CRIM1: variants seen among roughly 807,000 people sequenced by gnomAD.
CRIM1 encodes cysteine rich transmembrane BMP regulator 1, also known as cysteine-rich motor neuron 1 protein.
Under a neutral mutation model 116.4 loss-of-function variants are expected in CRIM1, and 32 were observed. That is an observed-to-expected ratio of 0.27 (90% CI 0.21 to 0.37). The LOEUF (loss-of-function observed/expected upper bound fraction) is 0.37. CRIM1 is among the 10% of genes least tolerant of loss of function. The pLI is 1.00. For synonymous variants in CRIM1, 590 were observed against 509.2 expected, an observed-to-expected ratio of 1.16 and a Z score of -2.13; for missense variants, 1,331 against 1,354.8, an observed-to-expected ratio of 0.98 and a Z score of 0.28.
intron 2 of CRIM1, among the ~76,000 whole-genome samples, chr2:36,401,629 T>C (rs1026790573): frequency 6.6e-6 from 1 of 152,188 alleles, no homozygotes; most frequent in Non-Finnish European, 1.5e-5. Context: ...ATAAGTAATG[T>C]CAATACCAAA....
At chr2:36,422,240 A>G (rs1293846506) in intron 2 of CRIM1, among the ~76,000 whole-genome samples, 2 of 151,984 alleles carry the variant, frequency 1.3e-5, no homozygotes, top group Non-Finnish European at 2.9e-5. Flanking sequence ...TATATTCAAT[A>G]TAGTTAATGT....
intron 8 of CRIM1, among the ~76,000 whole-genome samples, chr2:36,509,105 G>A (rs1171026682): frequency 6.6e-6 from 1 of 152,110 alleles, no homozygotes; most frequent in Non-Finnish European, 1.5e-5. Flanking sequence ...CTATCATTTT[G>A]TAAAAGATGT....
At position 36,460,217 on chromosome 2, in the gene CRIM1, A is replaced by G. The variant is rs115982855; in HGVS notation, c.870-4317A>G. ...TCATTATATTAACTCTAAGGATTAC[A>G]TTAGAGGCTTTATTTTTCTGGTTAC... is the stretch of plus-strand genomic sequence containing the variant. On this transcript the variant is annotated intron_variant, in intron 4 of 16. Coordinates refer to ENST00000280527, the MANE Select transcript of CRIM1 (RefSeq NM_016441.3). 3.9e-3 allele frequency among the ~76,000 whole-genome samples: 589 copies of G among 152,322 alleles called. 4 individuals are homozygous for G. Among genetic ancestry groups the G allele is most frequent in the Non-Finnish European group, 6.0e-3 (409 of 68,028 alleles).
intron 2 of CRIM1, among the ~76,000 whole-genome samples, chr2:36,397,957 T>G (rs1264012880): frequency 3.6e-4 from 55 of 152,188 alleles, no homozygotes; most frequent in Non-Finnish European, 6.5e-4. Flanking sequence ...TCACACCAAG[T>G]ATTCTTCCTG....
intron 1 of CRIM1, chr2:36,378,442 A>G (rs4670548): frequency 0.75 from 351,300 of 470,282 alleles, 133,609 homozygotes; most frequent in East Asian, 0.99. Flanking sequence ...GTCCAGATGC[A>G]ACAGTAGGGA....
chr2:36,392,887 C>G (rs1400091756), intron 1 of CRIM1, among the ~76,000 whole-genome samples: 1 of 152,228 alleles, frequency 6.6e-6, no homozygotes, highest in African/African-American at 2.4e-5. Context: ...GTCAGTGATG[C>G]TTCCTGGCTG....
intron 7 of CRIM1, among the ~76,000 whole-genome samples, chr2:36,487,331 A>C (rs892278693): frequency 2.6e-5 from 4 of 152,202 alleles, no homozygotes; most frequent in Non-Finnish European, 5.9e-5. Context: ...ACATACTAAA[A>C]TGTACATATT....
chr2:36,478,693 C>T (rs1014970906), intron 6 of CRIM1, among the ~76,000 whole-genome samples: 1 of 152,186 alleles, frequency 6.6e-6, no homozygotes, highest in Non-Finnish European at 1.5e-5. Flanking sequence ...ATTCCTCTCT[C>T]AGCACAGCAG....
In CRIM1 at chr2:36,476,983, C is replaced by T. The variant is rs904987059; in HGVS notation, c.1086C>T (p.Gly362=). The change falls in exon 6 of 17, where the codon GGC becomes GGT. Residue 362 remains glycine (G), a synonymous_variant. Transcript: ENST00000280527. The part of the protein sequence containing the change: ...DNCRFCRCQG[G]VAICFTAQCG... ...GTCGGTTCTGTCGATGCCAAGGGGG[C>T]GTTGCCATCTGCTTCACCGCCCAGT... 1.6e-5 allele frequency: 26 copies of T among 1,613,824 alleles called. No individual in the cohort carries two copies. The East Asian group carries it at 2.2e-4, about 14-fold the overall frequency.
At chr2:36,396,554 C>T (rs998853742) in intron 1 of CRIM1, 60 bp from the exon 2 acceptor site, 53 of 1,219,004 alleles carry the variant, frequency 4.3e-5, no homozygotes, top group South Asian at 8.7e-5. Context: ...TTTTTGCCCG[C>T]GAACAGGCCT....
chr2:36,435,606 G>T (rs1253447129), intron 2 of CRIM1, among the ~76,000 whole-genome samples: 1 of 150,960 alleles, frequency 6.6e-6, no homozygotes, highest in Admixed American at 6.6e-5. Context: ...TATTAGGTTG[G>T]TGCAAAAGTA....
chr2:36,375,024 A>T (rs1298585660), intron 1 of CRIM1, among the ~76,000 whole-genome samples: 1 of 151,508 alleles, frequency 6.6e-6, no homozygotes, highest in Non-Finnish European at 1.5e-5. Context: ...GCATATTATT[A>T]TATTGCAGAT....
chr2:36,520,005 T>TA (rs1665276414), intron 12 of CRIM1, among the ~76,000 whole-genome samples: 1 of 151,938 alleles, frequency 6.6e-6, no homozygotes, highest in African/African-American at 2.4e-5. Flanking sequence ...AACAGAAGTG[T>TA]AAAGAAAAGG....
intron 1 of CRIM1, among the ~76,000 whole-genome samples, chr2:36,367,512 TTAAA>T: frequency 6.6e-6 from 1 of 152,184 alleles, no homozygotes; most frequent in Admixed American, 6.5e-5. Context: ...CAAAAGGGAA[TTAAA>T]TAGTTACCTA....
rs1429529375 is a variant in CRIM1, at chr2:36,479,641, A to G, written c.1319A>G (p.Gln440Arg). The G allele has an allele frequency of 1.2e-6, 2 of 1,614,238 alleles. No individual in the cohort carries two copies. The highest frequency in any genetic ancestry group is 3.3e-5 in the Admixed American group (2 of 60,034). The change falls in exon 7 of 17, where the codon CAG becomes CGG. Residue 440 changes from glutamine (Q) to arginine (R), a missense_variant. By Grantham distance (43) the Gln-to-Arg change is conservative. Around this residue, in one of 3 missense-constraint regions of CRIM1, gnomAD observed 690 missense variants for 676.0 expected, o/e 1.02. Coordinates refer to ENST00000280527, the MANE Select transcript of CRIM1 (RefSeq NM_016441.3). ...CACTGCGTTGCGACCGTCTGCGGAC[A>G]GACCTGCACAAACCCTGTGAAAGTG... ...ERHCVATVCG[Q>R]TCTNPVKVPG...
At chr2:36,413,625 C>A (rs1029957976) in intron 2 of CRIM1, among the ~76,000 whole-genome samples, 20 of 152,146 alleles carry the variant, frequency 1.3e-4, no homozygotes, top group African/African-American at 4.1e-4. Flanking sequence ...AAATTAGATA[C>A]CTACACACGT....
chr2:36,525,551 C>T (rs1344009670), intron 13 of CRIM1, among the ~76,000 whole-genome samples: 4 of 152,160 alleles, frequency 2.6e-5, no homozygotes, highest in African/African-American at 9.7e-5. Context: ...CTTAAAGCAC[C>T]CAATTGTTTT....
chr2:36,383,352 G>C (rs1286522315), intron 1 of CRIM1, among the ~76,000 whole-genome samples: 1 of 152,114 alleles, frequency 6.6e-6, no homozygotes, highest in Non-Finnish European at 1.5e-5. Context: ...CTAGTCCTTG[G>C]AAGGCCTGAA....
At chr2:36,363,907 AGTCAGAGGATTATCC>A (rs1419802266) in intron 1 of CRIM1, among the ~76,000 whole-genome samples, 1 of 152,170 alleles carries the variant, frequency 6.6e-6, no homozygotes, top group African/African-American at 2.4e-5. Context: ...CAAAACCAGA[AGTCAGAGGATTATCC>A]ATTCCTCTTG....
Sources: allele counts gnomAD v4.1 joint callset (sites outside exome capture counted in the v4.1 genomes callset), GRCh38; gene constraint gnomAD v4.1.1; regional missense constraint gnomAD v4.1.1; transcripts MANE v1.5; gene names NCBI Gene and HGNC (gene_info 2026-07-23, HGNC 2026-07-21).